FER: variants seen among roughly 807,000 people sequenced by gnomAD.
FER encodes the protein tyrosine-protein kinase Fer.
FER carries 63 observed loss-of-function variants against 111.0 expected under a neutral mutation model. The ratio of observed to expected loss-of-function variants is 0.57; its 90% CI spans 0.46 to 0.70. The LOEUF (loss-of-function observed/expected upper bound fraction) is 0.70. Among genes scored for constraint, FER ranks in the 30% least tolerant of loss-of-function variants. FER has a pLI of 0.00. For synonymous variants in FER, 327 were observed against 313.9 expected, an observed-to-expected ratio of 1.04 and a Z score of -0.44; for missense variants, 914 against 954.0, an observed-to-expected ratio of 0.96 and a Z score of 0.55.
chr5:109,139,168 A>G lies in FER; in HGVS notation c.2048+38649A>G, dbSNP rs78959099. On this transcript the variant is annotated intron_variant, in intron 17 of 19. Transcript: ENST00000281092. ...AAAAGGAACACAGCGGAGCTAAGTG[A>G]TTCAAGGATGGTATATAGGAGTCTC... 7.5e-3 allele frequency among the ~76,000 whole-genome samples: 1,141 copies of G among 152,178 alleles called. 14 individuals are homozygous for G. The highest frequency in any genetic ancestry group is 0.026 in the African/African-American group (1,081 of 41,516).
chr5:108,881,643 G>A (rs774199897), intron 8 of FER, among the ~76,000 whole-genome samples: 8 of 152,262 alleles, frequency 5.3e-5, no homozygotes, highest in Middle Eastern at 3.4e-3. Context: ...GATGTCAACT[G>A]ATTTGGGTTA....
chr5:109,010,186 G>A (rs1766058139), intron 13 of FER, among the ~76,000 whole-genome samples: 2 of 151,138 alleles, frequency 1.3e-5, no homozygotes, highest in African/African-American at 4.9e-5. Flanking sequence ...TTTTTTTTGA[G>A]ACAGCCTGTC....
intron 10 of FER, among the ~76,000 whole-genome samples, chr5:108,903,869 CTTT>C (rs1175574129): frequency 6.6e-6 from 1 of 152,094 alleles, no homozygotes; most frequent in Admixed American, 6.6e-5. Flanking sequence ...TCTAAGTGTC[CTTT>C]CTTAGTGTCC....
chr5:109,089,765 G>A (rs1286880947), intron 16 of FER, among the ~76,000 whole-genome samples: 1 of 152,148 alleles, frequency 6.6e-6, no homozygotes, highest in African/African-American at 2.4e-5. Flanking sequence ...TGGGTTTGAG[G>A]AAGAGAATGA....
chr5:108,953,118 GA>G (rs1435419412), intron 11 of FER, among the ~76,000 whole-genome samples: 22 of 151,846 alleles, frequency 1.4e-4, no homozygotes, highest in African/African-American at 5.1e-4. Context: ...TATAAAAATA[GA>G]AAACATTTGA....
At position 109,192,192 on chromosome 5, in the gene FER, T is replaced by G. The variant is rs541929595; in HGVS notation, c.*4617T>G. On this transcript the variant is annotated 3_prime_UTR_variant, in exon 20 of 20. Transcript: ENST00000281092. ...TGAGCATAGGCTTCAGTATATTTAA[T>G]AAGGTGCTGAGGCAGCAGATTCAAA... 1 of 152,286 alleles carries G rather than the reference T, an allele frequency of 6.6e-6. No homozygotes were observed. Among genetic ancestry groups the G allele is most frequent in the Admixed American group, 6.5e-5 (1 of 15,294 alleles). 9.4% of individuals were successfully genotyped at this position (152,286 alleles called of 1,614,324 possible). A position where few individuals can be genotyped will look rare whatever the true frequency, so the allele number is the denominator to read the frequency against.
At chr5:109,060,702 A>G (rs927324145) in intron 16 of FER, among the ~76,000 whole-genome samples, 1 of 152,010 alleles carries the variant, frequency 6.6e-6, no homozygotes, top group African/African-American at 2.4e-5. Context: ...AATAAAAAAA[A>G]TTAAAAAATA....
intron 17 of FER, among the ~76,000 whole-genome samples, chr5:109,127,613 G>T (rs1751879829): frequency 6.6e-6 from 1 of 151,940 alleles, no homozygotes; most frequent in South Asian, 2.1e-4. Flanking sequence ...CACCATGTTG[G>T]CCAGGATGAT....
intron 17 of FER, among the ~76,000 whole-genome samples, chr5:109,165,303 C>T (rs116700240): frequency 2.6e-5 from 4 of 152,122 alleles, no homozygotes; most frequent in Non-Finnish European, 5.9e-5. Flanking sequence ...CTCTATTGCT[C>T]TAATTTGAGT....
At chr5:108,800,055 C>T (rs777753618) in intron 3 of FER, among the ~76,000 whole-genome samples, 11 of 151,970 alleles carry the variant, frequency 7.2e-5, no homozygotes, top group Non-Finnish European at 1.5e-4. Flanking sequence ...GTTGGCTAGG[C>T]TGGTCTTGAA....
intron 13 of FER, among the ~76,000 whole-genome samples, chr5:108,979,470 T>G (rs1336333574): frequency 6.6e-6 from 1 of 152,190 alleles, no homozygotes; most frequent in Non-Finnish European, 1.5e-5. Context: ...AGTAGATGTA[T>G]TAAGCATTTA....
intron 5 of FER, among the ~76,000 whole-genome samples, chr5:108,859,383 C>A (rs1325403110): frequency 1.3e-5 from 2 of 152,094 alleles, no homozygotes; most frequent in Non-Finnish European, 2.9e-5. Context: ...TCCAACCAAC[C>A]CACCCAACAG....
chr5:108,973,820 T>C (rs1237054682), intron 13 of FER, among the ~76,000 whole-genome samples: 1 of 152,180 alleles, frequency 6.6e-6, no homozygotes, highest in Non-Finnish European at 1.5e-5. Flanking sequence ...TATTCTCTTT[T>C]AAATAATAAA....
chr5:109,118,358 A>T (rs1419600927), intron 17 of FER, among the ~76,000 whole-genome samples: 1 of 152,200 alleles, frequency 6.6e-6, no homozygotes, highest in Non-Finnish European at 1.5e-5. Flanking sequence ...GATGAAGCCC[A>T]CTTGATCATG....
intron 3 of FER, among the ~76,000 whole-genome samples, chr5:108,828,353 T>C (rs1408548318): frequency 6.6e-6 from 1 of 152,222 alleles, no homozygotes; most frequent in Non-Finnish European, 1.5e-5. Flanking sequence ...AATTTATACT[T>C]CTTGATACAC....
At chr5:108,989,425 T>C (rs775722075) in intron 13 of FER, among the ~76,000 whole-genome samples, 16 of 152,010 alleles carry the variant, frequency 1.1e-4, no homozygotes, top group Non-Finnish European at 1.8e-4. Flanking sequence ...TATTAAGAAA[T>C]ATTAAGAATC....
chr5:109,027,495 G>C (rs1176168653), intron 13 of FER, among the ~76,000 whole-genome samples: 1 of 152,088 alleles, frequency 6.6e-6, no homozygotes, highest in Non-Finnish European at 1.5e-5. Flanking sequence ...TCTTCTTGGA[G>C]AACTGTGAAT....
intron 2 of FER, among the ~76,000 whole-genome samples, chr5:108,778,690 T>C (rs1229616428): frequency 6.6e-6 from 1 of 152,222 alleles, no homozygotes; most frequent in Non-Finnish European, 1.5e-5. Flanking sequence ...TTTCTTATTA[T>C]TCTTTGTACA....
At chr5:108,914,151 G>A (rs1751932604) in intron 10 of FER, among the ~76,000 whole-genome samples, 1 of 151,824 alleles carries the variant, frequency 6.6e-6, no homozygotes, top group African/African-American at 2.4e-5. Context: ...TATTCATCTT[G>A]TACTTCAATG....
Sources: allele counts gnomAD v4.1 joint callset (sites outside exome capture counted in the v4.1 genomes callset), GRCh38; gene constraint gnomAD v4.1.1; transcripts MANE v1.5; gene names NCBI Gene and HGNC (gene_info 2026-07-23, HGNC 2026-07-21).